SIDT1: variants seen among roughly 807,000 people sequenced by gnomAD.
The protein encoded by SIDT1 is SID1 transmembrane family member 1, also known as SID1 transmembrane family, member 1.
SIDT1 carries 101 observed loss-of-function variants against 107.5 expected under a neutral mutation model. That is an observed-to-expected ratio of 0.94 (90% CI 0.80 to 1.11). The LOEUF (loss-of-function observed/expected upper bound fraction) is 1.11. Ranked by LOEUF, SIDT1 falls within the 50% of genes least tolerant of loss-of-function variation. SIDT1 has a pLI of 0.00. For missense variants in SIDT1, 1,076 were observed against 1,058.2 expected (o/e 1.02, Z -0.23); for synonymous variants, 395 against 398.2 (o/e 0.99, Z 0.10).
intron 3 of SIDT1, among the ~76,000 whole-genome samples, chr3:113,575,203 T>C (rs776877865): frequency 1.3e-5 from 2 of 152,192 alleles, no homozygotes; most frequent in Non-Finnish European, 2.9e-5. Context: ...TTAAAATCTC[T>C]GGCAAAAAAA....
At chr3:113,576,513 A>G (rs1200400066) in intron 3 of SIDT1, among the ~76,000 whole-genome samples, 4 of 152,140 alleles carry the variant, frequency 2.6e-5, no homozygotes, top group Non-Finnish European at 4.4e-5. Context: ...TTTGAAATGT[A>G]TCTACATTAT....
chr3:113,541,824 T>G (rs750501779), intron 1 of SIDT1, among the ~76,000 whole-genome samples: 2 of 152,078 alleles, frequency 1.3e-5, no homozygotes. Flanking sequence ...TTTCCTTCCC[T>G]TATAAGTAAC....
chr3:113,563,228 C>T (rs35452897), intron 1 of SIDT1, among the ~76,000 whole-genome samples: 32,871 of 152,056 alleles, frequency 0.22, 3,731 homozygotes, highest in African/African-American at 0.26. Flanking sequence ...GGAGAAAAGG[C>T]GAACTTTTAA....
chr3:113,561,828 A>C (rs1941455902), intron 1 of SIDT1, among the ~76,000 whole-genome samples: 1 of 152,222 alleles, frequency 6.6e-6, no homozygotes, highest in African/African-American at 2.4e-5. Flanking sequence ...AGTGTGAAAA[A>C]AAGATGGAAG....
chr3:113,582,289 A>C (rs1428559541), intron 6 of SIDT1, among the ~76,000 whole-genome samples: 1 of 152,204 alleles, frequency 6.6e-6, no homozygotes, highest in African/African-American at 2.4e-5. Flanking sequence ...GGAGGTACTT[A>C]CTTAAAGTAC....
chr3:113,557,117 A>C (rs1940964380), intron 1 of SIDT1, among the ~76,000 whole-genome samples: 1 of 152,138 alleles, frequency 6.6e-6, no homozygotes, highest in Non-Finnish European at 1.5e-5. Flanking sequence ...ATCCCAGCTT[A>C]TGTTTGCAAG....
chr3:113,558,567 A>G (rs533651490), intron 1 of SIDT1, among the ~76,000 whole-genome samples: 1 of 152,336 alleles, frequency 6.6e-6, no homozygotes, highest in African/African-American at 2.4e-5. Context: ...ACTGCCTGTT[A>G]TGAAAGACTT....
At chr3:113,608,660 A>C (rs1383344366) in intron 17 of SIDT1, 124 bp downstream of exon 17, 3 of 725,928 alleles carry the variant, frequency 4.1e-6, no homozygotes, top group Admixed American at 3.9e-5. Context: ...TGAAGAGATC[A>C]GAGAGGACCT....
At position 113,567,751 on chromosome 3, in the gene SIDT1, T is replaced by C. The variant is rs544890131; in HGVS notation, c.515+41T>C. 109 of 1,572,180 alleles carry C rather than the reference T, an allele frequency of 6.9e-5. 5 individuals carry two copies. The South Asian group carries it at 1.2e-3, about 18-fold the overall frequency. ...TCTGTTTACCTGTCTGTGTTTCCTG[T>C]GCTTGTGGATGCTCAATTCATCTTC... On this transcript the variant is annotated intron_variant, in intron 3 of 24. Transcript: ENST00000264852.
At chr3:113,564,121 T>C (rs1466736185) in intron 1 of SIDT1, among the ~76,000 whole-genome samples, 2 of 152,120 alleles carry the variant, frequency 1.3e-5, no homozygotes, top group African/African-American at 4.8e-5. Context: ...GCTAATTTTG[T>C]ACTTTTAATA....
Position 113,580,635 on chromosome 3 carries a change from G to A in SIDT1, c.589G>A (p.Val197Met), listed in dbSNP as rs751830248. 5.8e-5 allele frequency: 94 copies of A among 1,609,988 alleles called. No homozygotes were observed. The highest frequency in any genetic ancestry group is 4.0e-4 in the East Asian group (18 of 44,860). ...QYFLYKFPKDVDSVIIKVVSE... is the reference protein window; with the variant it reads ...QYFLYKFPKDMDSVIIKVVSE... ...TTTTCTATACAAGTTTCCCAAAGAC[G>A]TGGACTCAGTTATCATTAAAGTGGT... Residue 197 changes from valine (V) to methionine (M), a missense_variant, in exon 5 of 25, where the codon GTG (valine) becomes ATG (methionine). By Grantham distance (21) the Val-to-Met change is conservative. Coordinates refer to ENST00000264852, the MANE Select transcript of SIDT1 (RefSeq NM_017699.3).
chr3:113,580,976 G>A (rs1447084597), intron 5 of SIDT1, among the ~76,000 whole-genome samples: 1 of 152,178 alleles, frequency 6.6e-6, no homozygotes, highest in East Asian at 1.9e-4. Flanking sequence ...ATTGTAACAA[G>A]GAACCAGGAA....
rs139708989 is a variant in SIDT1, at chr3:113,582,646, T to C, written c.748-763T>C. On this transcript the variant is annotated intron_variant, in intron 6 of 24. Transcript: ENST00000264852. ...TTTGGCAATAAATTGTTACTTCTCT[T>C]TTGGGGCCTAACCTTTTGGGCAGAG... is the stretch of plus-strand genomic sequence containing the variant. 2.6e-3 allele frequency among the ~76,000 whole-genome samples: 390 copies of C among 152,138 alleles called. 1 individual carries two copies. The highest frequency in any genetic ancestry group is 8.8e-3 in the African/African-American group (366 of 41,500).
At position 113,559,106 on chromosome 3, in the gene SIDT1, G is replaced by A. The variant is rs1057233894; in HGVS notation, c.223-7314G>A. 3.3e-5 allele frequency among the ~76,000 whole-genome samples: 5 copies of A among 152,108 alleles called. 1 individual carries two copies. The highest frequency in any genetic ancestry group is 3.3e-4 in the Admixed American group (5 of 15,268). On this transcript the variant is annotated intron_variant, in intron 1 of 24. Transcript: ENST00000264852. ...ATTATTTAATTTGGTTGTCATTCAGGTTGTTTCCAAATTTTATTGTTGCAA... is the reference window on the plus strand; with the variant it reads ...ATTATTTAATTTGGTTGTCATTCAGATTGTTTCCAAATTTTATTGTTGCAA...
At chr3:113,581,500 T>A in intron 6 of SIDT1, 56 bp downstream of exon 6, 1 of 1,387,466 alleles carries the variant, frequency 7.2e-7, no homozygotes, top group Non-Finnish European at 1.0e-6. Flanking sequence ...ATAGATAGTG[T>A]ACTTACTGGG....
chr3:113,604,777 C>T (rs1203205443), intron 13 of SIDT1, 133 bp from the exon 14 acceptor site: 5 of 930,374 alleles, frequency 5.4e-6, no homozygotes, highest in Non-Finnish European at 6.7e-6. Context: ...ACAAGAACCA[C>T]ATAATCAGCT....
chr3:113,592,511 C>T (rs1944233250), intron 9 of SIDT1, among the ~76,000 whole-genome samples: 1 of 152,130 alleles, frequency 6.6e-6, no homozygotes, highest in South Asian at 2.1e-4. Context: ...TTTACATTCC[C>T]ACCAACAATG....
chr3:113,556,317 G>A (rs553055386), intron 1 of SIDT1, among the ~76,000 whole-genome samples: 6 of 152,300 alleles, frequency 3.9e-5, no homozygotes, highest in Admixed American at 1.3e-4. Flanking sequence ...TGTAACTTGT[G>A]ATGGAAGTAG....
In SIDT1 at chr3:113,542,939, T is replaced by TG. The variant is rs1491200367; in HGVS notation, c.222+9696_222+9697insG. Among the ~76,000 whole-genome samples, 137 of 141,312 alleles carry TG rather than the reference T, an allele frequency of 9.7e-4. 1 individual carries two copies. In the East Asian group the frequency reaches 0.02, roughly 21 times the overall value. The allele number at this position is 141,312 out of a possible 152,430, so 92.7% of individuals were successfully genotyped here. On this transcript the variant is annotated intron_variant, in intron 1 of 24. Transcript: ENST00000264852. ...GTGTGTGTGTGTGTGTGTGTGTGTGTTTGTTTGTTTGTTTGTTTTTCAGAT... is the reference window on the plus strand; with the variant it reads ...GTGTGTGTGTGTGTGTGTGTGTGTGTGTTGTTTGTTTGTTTGTTTTTCAGAT...
Sources: allele counts gnomAD v4.1 joint callset (sites outside exome capture counted in the v4.1 genomes callset), GRCh38; gene constraint gnomAD v4.1.1; transcripts MANE v1.5; gene names NCBI Gene and HGNC (gene_info 2026-07-23, HGNC 2026-07-21).